FERMT2: variants seen among roughly 807,000 people sequenced by gnomAD.
FERMT2 encodes fermitin family homolog 2.
FERMT2 carries 15 observed loss-of-function variants against 82.7 expected under a neutral mutation model. That is an observed-to-expected ratio of 0.18 (90% CI 0.12 to 0.28). FERMT2 has a LOEUF of 0.28. Among genes scored for constraint, FERMT2 ranks in the 10% least tolerant of loss-of-function variants. The pLI is 1.00. For missense variants in FERMT2, 645 were observed against 809.4 expected, an observed-to-expected ratio of 0.80 and a Z score of 2.46; for synonymous variants, 274 against 271.5, an observed-to-expected ratio of 1.01 and a Z score of -0.09.
At chr14:52,928,616 A>C (rs1889413913) in intron 2 of FERMT2, among the ~76,000 whole-genome samples, 1 of 152,108 alleles carries the variant, frequency 6.6e-6, no homozygotes, top group Non-Finnish European at 1.5e-5. Flanking sequence ...CTTTCATTTC[A>C]TAGCCAGGCA....
chr14:52,893,440 T>TA lies in FERMT2; in HGVS notation c.392-14dup. 2 of 1,564,986 alleles carry TA rather than the reference T, an allele frequency of 1.3e-6. No homozygotes were observed. The highest frequency in any genetic ancestry group is 1.7e-6 in the Non-Finnish European group (2 of 1,155,142). ...GGGTGTCTGATATCTGTTAATAAAA[T>TA]AGATTGTTTTACTAGAACAAAGGAA... On this transcript the variant is annotated splice_polypyrimidine_tract_variant and intron_variant, in intron 3 of 14. Coordinates refer to ENST00000341590, the MANE Select transcript of FERMT2 (RefSeq NM_006832.3).
chr14:52,880,056 T>C (rs1030487945), intron 6 of FERMT2, among the ~76,000 whole-genome samples: 5 of 151,424 alleles, frequency 3.3e-5, no homozygotes, highest in Non-Finnish European at 5.9e-5. Context: ...AGCCCAGGAG[T>C]TTTGAGACCA....
intron 13 of FERMT2, 121 bp from the exon 14 acceptor site, chr14:52,859,835 T>G (rs976247500): frequency 4.2e-5 from 22 of 524,416 alleles, no homozygotes; most frequent in African/African-American, 4.2e-4. Context: ...TTTTTTTTTT[T>G]GAGACGGAGT....
chr14:52,881,683 A>T, intron 4 of FERMT2: 1 of 1,003,022 alleles, frequency 1.0e-6, no homozygotes, highest in Non-Finnish European at 1.4e-6. Context: ...GAATATAATT[A>T]AGTTGGCAGA....
chr14:52,911,655 TAA>T (rs1284789789), intron 3 of FERMT2, among the ~76,000 whole-genome samples: 19 of 115,388 alleles, frequency 1.6e-4, no homozygotes, highest in Admixed American at 1.7e-4. Context: ...CATCTCAAAA[TAA>T]AAAAAAAAAA....
intron 2 of FERMT2, among the ~76,000 whole-genome samples, chr14:52,928,600 T>C (rs1889413193): frequency 1.3e-5 from 2 of 152,154 alleles, no homozygotes; most frequent in Non-Finnish European, 2.9e-5. Context: ...TAGAGGACTT[T>C]TCCCTCTTTC....
chr14:52,914,201 A>C (rs1888486705), intron 3 of FERMT2, among the ~76,000 whole-genome samples: 1 of 147,988 alleles, frequency 6.8e-6, no homozygotes, highest in African/African-American at 2.5e-5. Context: ...TGTCTCTACA[A>C]AAAAAAAAAT....
chr14:52,931,411 T>C (rs931342921), intron 2 of FERMT2, among the ~76,000 whole-genome samples: 2 of 152,204 alleles, frequency 1.3e-5, no homozygotes, highest in Non-Finnish European at 2.9e-5. Flanking sequence ...GGCTCTCAGA[T>C]TGTTTTATTA....
chr14:52,900,615 T>G (rs1887565690), intron 3 of FERMT2, among the ~76,000 whole-genome samples: 1 of 152,038 alleles, frequency 6.6e-6, no homozygotes, highest in Admixed American at 6.5e-5. Context: ...AACAGTAACT[T>G]TGTAAACTGG....
intron 3 of FERMT2, among the ~76,000 whole-genome samples, chr14:52,918,010 A>G (rs1043566362): frequency 6.6e-6 from 1 of 152,252 alleles, no homozygotes; most frequent in Admixed American, 6.5e-5. Flanking sequence ...CGCTAGCCCA[A>G]CTAAAATATT....
At chr14:52,879,626 T>C (rs1375595857) in intron 6 of FERMT2, among the ~76,000 whole-genome samples, 1 of 152,136 alleles carries the variant, frequency 6.6e-6, no homozygotes, top group African/African-American at 2.4e-5. Flanking sequence ...TGAATTAAAA[T>C]TATTTTCTAT....
chr14:52,877,427 C>T (rs1363560724), intron 7 of FERMT2, among the ~76,000 whole-genome samples: 2 of 152,076 alleles, frequency 1.3e-5, no homozygotes, highest in East Asian at 3.9e-4. Flanking sequence ...TCTGGAAACA[C>T]AATACGGGAT....
At chr14:52,898,117 G>A (rs1420294730) in intron 3 of FERMT2, among the ~76,000 whole-genome samples, 1 of 151,922 alleles carries the variant, frequency 6.6e-6, no homozygotes, top group African/African-American at 2.4e-5. Flanking sequence ...GGAATTAGCA[G>A]AAGAACTATC....
intron 2 of FERMT2, among the ~76,000 whole-genome samples, chr14:52,936,551 T>TCC (rs1889845895): frequency 6.6e-6 from 1 of 152,164 alleles, no homozygotes; most frequent in South Asian, 2.1e-4. Context: ...AGCCACTGGT[T>TCC]CCCTAGGATT....
At chr14:52,875,481 A>T in intron 7 of FERMT2, 124 bp from the exon 8 acceptor site, 1 of 630,662 alleles carries the variant, frequency 1.6e-6, no homozygotes, top group Non-Finnish European at 2.6e-6. Context: ...AGCGTCTAGG[A>T]ACTAGAACGA....
At chr14:52,945,223 T>C (rs568262770) in intron 2 of FERMT2, among the ~76,000 whole-genome samples, 1 of 151,918 alleles carries the variant, frequency 6.6e-6, no homozygotes, top group South Asian at 2.1e-4. Context: ...TCCTCAATTG[T>C]TCTATGTTTT....
rs780433822 is a variant in FERMT2 at position 52,881,281 on chromosome 14, G to T, written c.715C>A (p.Pro239Thr). 1.2e-6 allele frequency: 2 copies of T among 1,614,016 alleles called. No homozygotes were observed. Among genetic ancestry groups the T allele is most frequent in the Non-Finnish European group, 1.7e-6 (2 of 1,179,984 alleles). The change falls in exon 5 of 15, where the codon CCT becomes ACT. Residue 239 changes from proline to threonine, a missense_variant. Physicochemically the swap from Pro to Thr is conservative, Grantham distance 38 (BLOSUM62 -1). Coordinates refer to ENST00000341590, the MANE Select transcript of FERMT2 (RefSeq NM_006832.3). ...SPEILAKMFK[P>T]QALLDKAKIN... ...TTTGCTTTATCAAGAAGAGCTTGAG[G>T]CTTGAACATTTTTGCCAAGATTTCT...
intron 2 of FERMT2, among the ~76,000 whole-genome samples, chr14:52,935,374 T>C (rs866535865): frequency 6.6e-6 from 1 of 152,104 alleles, no homozygotes. Flanking sequence ...ATGGACTAAA[T>C]GTTTGTGTCC....
chr14:52,909,235 C>T (rs896061000), intron 3 of FERMT2, among the ~76,000 whole-genome samples: 115 of 152,220 alleles, frequency 7.6e-4, no homozygotes, highest in African/African-American at 2.6e-3. Context: ...GTCACATTGG[C>T]AGTCAAAAAG....
Sources: allele counts gnomAD v4.1 joint callset (sites outside exome capture counted in the v4.1 genomes callset), GRCh38; gene constraint gnomAD v4.1.1; transcripts MANE v1.5; gene names NCBI Gene and HGNC (gene_info 2026-07-23, HGNC 2026-07-21).